The following ANO2 variants were observed in gnomAD, a reference collection of about 807,000 sequenced individuals.
ANO2 encodes anoctamin 2, also known as anoctamin-2.
ANO2 carries 101 observed loss-of-function variants against 124.2 expected under a neutral mutation model. The observed-to-expected ratio is 0.81, with a 90% confidence interval of 0.69 to 0.96. ANO2 has a LOEUF of 0.96. Among genes scored for constraint, ANO2 ranks in the 40% least tolerant of loss-of-function variants. ANO2 has a pLI of 0.00. For synonymous variants in ANO2, 486 were observed against 482.5 expected, an observed-to-expected ratio of 1.01 and a Z score of -0.09; for missense variants, 1,293 against 1,274.5, an observed-to-expected ratio of 1.01 and a Z score of -0.22.
intron 10 of ANO2, among the ~76,000 whole-genome samples, chr12:5,779,854 C>T (rs1015945095): frequency 3.9e-5 from 6 of 152,066 alleles, no homozygotes; most frequent in African/African-American, 1.4e-4. Flanking sequence ...ATTTCAATGT[C>T]ATGAAAGACG....
intron 14 of ANO2, among the ~76,000 whole-genome samples, chr12:5,706,645 A>G (rs1949621849): frequency 6.6e-6 from 1 of 152,046 alleles, no homozygotes; most frequent in Non-Finnish European, 1.5e-5. Context: ...CTGATACATT[A>G]TGTATTCATT....
At chr12:5,943,389 T>C (rs548016625) in intron 1 of ANO2, among the ~76,000 whole-genome samples, 1 of 152,176 alleles carries the variant, frequency 6.6e-6, no homozygotes, top group South Asian at 2.1e-4. Context: ...GCCATTATTG[T>C]AAGTGAAGTA....
At chr12:5,566,345 T>A (rs6489640) in intron 23 of ANO2, among the ~76,000 whole-genome samples, 2 of 152,198 alleles carry the variant, frequency 1.3e-5, no homozygotes, top group African/African-American at 4.8e-5. Context: ...CTGACGTGAT[T>A]TCATGCCTCT....
chr12:5,668,481 C>T (rs1348426687), intron 14 of ANO2, among the ~76,000 whole-genome samples: 5 of 152,004 alleles, frequency 3.3e-5, no homozygotes, highest in African/African-American at 1.2e-4. Context: ...CAAAAATTTT[C>T]TCCCACTCTG....
At chr12:5,804,596 AC>A (rs1254076100) in intron 9 of ANO2, among the ~76,000 whole-genome samples, 1 of 152,138 alleles carries the variant, frequency 6.6e-6, no homozygotes, top group African/African-American at 2.4e-5. Context: ...CACCTATTCT[AC>A]CAGGTGGAGT....
upstream of ANO2, chr12:5,945,312 C>A (rs924664780): frequency 1.9e-6 from 2 of 1,065,560 alleles, no homozygotes; most frequent in Non-Finnish European, 2.3e-6. Flanking sequence ...AGCTCCGTCC[C>A]GGCGCGCCCG....
At chr12:5,923,050 A>G (rs1363380156) in intron 1 of ANO2, among the ~76,000 whole-genome samples, 2 of 139,900 alleles carry the variant, frequency 1.4e-5, no homozygotes, top group African/African-American at 5.5e-5. Context: ...ATGCACGCAC[A>G]CACACCCACA....
At chr12:5,932,289 A>C (rs1402922249) in intron 1 of ANO2, among the ~76,000 whole-genome samples, 1 of 151,592 alleles carries the variant, frequency 6.6e-6, no homozygotes, top group Non-Finnish European at 1.5e-5. Context: ...GAAAGTGACT[A>C]ATAAGGAAAG....
intron 1 of ANO2, among the ~76,000 whole-genome samples, chr12:5,944,893 A>G (rs1446488000): frequency 6.6e-6 from 1 of 150,602 alleles, no homozygotes; most frequent in East Asian, 2.0e-4. Context: ...AACATCACAG[A>G]GGTGGGGATT....
chr12:5,581,752 A>G (rs1225953625), intron 20 of ANO2, among the ~76,000 whole-genome samples: 1 of 152,196 alleles, frequency 6.6e-6, no homozygotes, highest in Non-Finnish European at 1.5e-5. Flanking sequence ...GACTGGGCTC[A>G]GCAATGCTGG....
intron 3 of ANO2, among the ~76,000 whole-genome samples, chr12:5,899,127 A>T (rs1045537837): frequency 7.2e-5 from 11 of 152,188 alleles, no homozygotes; most frequent in African/African-American, 2.4e-4. Context: ...GGCCATGCAT[A>T]GTAAGTGCAC....
At chr12:5,780,649 CAGAG>C (rs937000686) in intron 10 of ANO2, among the ~76,000 whole-genome samples, 72 of 152,286 alleles carry the variant, frequency 4.7e-4, no homozygotes, top group African/African-American at 1.7e-3. Flanking sequence ...GCAACAACCA[CAGAG>C]AGAGAGTCAC....
At chr12:5,817,096 A>G (rs774220014) in intron 7 of ANO2, among the ~76,000 whole-genome samples, 3 of 152,310 alleles carry the variant, frequency 2.0e-5, no homozygotes, top group Non-Finnish European at 4.4e-5. Context: ...AAAAACCTCA[A>G]TGTTAAAGCA....
At chr12:5,704,531 G>A (rs1949529624) in intron 14 of ANO2, among the ~76,000 whole-genome samples, 1 of 152,116 alleles carries the variant, frequency 6.6e-6, no homozygotes, top group African/African-American at 2.4e-5. Context: ...GCCTTTTACT[G>A]AACTTTGTAA....
At chr12:5,633,725 G>A (rs964602690) in intron 16 of ANO2, among the ~76,000 whole-genome samples, 19 of 152,098 alleles carry the variant, frequency 1.2e-4, no homozygotes, top group Admixed American at 7.9e-4. Flanking sequence ...TCTTTCTCCC[G>A]TACGCTGAGC....
intron 7 of ANO2, 84 bp downstream of exon 7, chr12:5,827,685 G>A (rs1954009188): frequency 1.4e-6 from 2 of 1,462,878 alleles, no homozygotes; most frequent in Non-Finnish European, 1.9e-6. Context: ...GTTCTTTGCT[G>A]CCGACCAAGG....
intron 1 of ANO2, among the ~76,000 whole-genome samples, chr12:5,935,438 C>G (rs1417861555): frequency 2.6e-5 from 4 of 152,192 alleles, no homozygotes; most frequent in Admixed American, 2.6e-4. Context: ...AGCATAATAA[C>G]TAGTGGGGGA....
chr12:5,580,643 CT>C (rs1942690713), intron 20 of ANO2, among the ~76,000 whole-genome samples: 1 of 152,156 alleles, frequency 6.6e-6, no homozygotes, highest in African/African-American at 2.4e-5. Flanking sequence ...AATGAAAAAA[CT>C]GACACAAATG....
Position 5,832,607 on chromosome 12 carries a change from T to G in ANO2, c.634-4A>C, listed in dbSNP as rs775446510. ...CTCCTGCTTTGATCTCGTACATCTA[T>G]GAAAGGAAGAGCCACAGGTCTGAAA... On this transcript the variant is annotated splice_region_variant and splice_polypyrimidine_tract_variant and intron_variant, in intron 4 of 24. Coordinates refer to ENST00000682330, the MANE Select transcript of ANO2 (RefSeq NM_001364791.2). 1.2e-6 allele frequency: 2 copies of G among 1,609,804 alleles called. No homozygotes were observed. Among genetic ancestry groups the G allele is most frequent in the East Asian group, 4.5e-5 (2 of 44,824 alleles).
Sources: allele counts gnomAD v4.1 joint callset (sites outside exome capture counted in the v4.1 genomes callset), GRCh38; gene constraint gnomAD v4.1.1; transcripts MANE v1.5; gene names NCBI Gene and HGNC (gene_info 2026-07-23, HGNC 2026-07-21).